Variants in BTRC observed in about 807,000 individuals in gnomAD.
BTRC encodes F-box/WD repeat-containing protein 1A.
Under a neutral mutation model 85.5 loss-of-function variants are expected in BTRC, and 42 were observed. The ratio of observed to expected loss-of-function variants is 0.49; its 90% CI spans 0.38 to 0.64. The LOEUF (loss-of-function observed/expected upper bound fraction) is 0.64. BTRC is among the 30% of genes least tolerant of loss of function. BTRC has a pLI of 0.00. For missense variants in BTRC, 594 were observed against 743.5 expected (o/e 0.80, Z 2.34); for synonymous variants, 255 against 263.3 (o/e 0.97, Z 0.30).
Position 101,456,168 on chromosome 10 carries a change from C to CA in BTRC, c.157-5800dup, listed in dbSNP as rs11321590. On this transcript the variant is annotated intron_variant, in intron 2 of 14. Coordinates refer to ENST00000370187, the MANE Select transcript of BTRC (RefSeq NM_033637.4). ...TGGGTGACAGAACGAGACTCTGTTT[C>CA]AAAAAAAAAAAAAGAATGATGATTG... 1.9e-3 allele frequency among the ~76,000 whole-genome samples: 260 copies of CA among 136,520 alleles called. 1 individual carries two copies. Among genetic ancestry groups the CA allele is most frequent in the Admixed American group, 2.2e-3 (30 of 13,868 alleles). The allele number at this position is 136,520 out of a possible 152,430, so 89.6% of individuals were successfully genotyped here. A position where few individuals can be genotyped will look rare whatever the true frequency, so the allele number is the denominator to read the frequency against.
intron 1 of BTRC, among the ~76,000 whole-genome samples, chr10:101,393,939 A>G (rs1191421528): frequency 6.6e-6 from 1 of 152,232 alleles, no homozygotes; most frequent in Middle Eastern, 3.2e-3. Context: ...TCAAACAAGC[A>G]TAGCCAGTGT....
intron 2 of BTRC, among the ~76,000 whole-genome samples, chr10:101,457,828 TTTTTA>T (rs1487857020): frequency 6.6e-6 from 1 of 152,200 alleles, no homozygotes; most frequent in Non-Finnish European, 1.5e-5. Context: ...ATTAATTAAT[TTTTTA>T]TTTTGACATA....
Position 101,556,183 on chromosome 10 carries a change from G to T in BTRC, c.*3060G>T, listed in dbSNP as rs568089072. 1.3e-5 allele frequency: 2 copies of T among 152,066 alleles called. No homozygotes were observed. Among genetic ancestry groups the T allele is most frequent in the Non-Finnish European group, 2.9e-5 (2 of 67,982 alleles). 9.4% of individuals were successfully genotyped at this position (152,066 alleles called of 1,614,324 possible). On this transcript the variant is annotated 3_prime_UTR_variant, in exon 15 of 15. Coordinates refer to ENST00000370187, the MANE Select transcript of BTRC (RefSeq NM_033637.4). ...TCTGTGAGACCCCTACATCATTCTG[G>T]TTTTTTTGCTTGAGTAAGAACAATC...
intron 1 of BTRC, among the ~76,000 whole-genome samples, chr10:101,372,991 CA>C (rs1214980008): frequency 1.3e-5 from 2 of 152,176 alleles, no homozygotes; most frequent in African/African-American, 4.8e-5. Context: ...TCATAGTCCA[CA>C]AAAATGATGT....
chr10:101,513,793 A>G (rs1340370683), intron 4 of BTRC, among the ~76,000 whole-genome samples: 4 of 152,240 alleles, frequency 2.6e-5, no homozygotes, highest in African/African-American at 7.2e-5. Flanking sequence ...GTAAGTACCT[A>G]AAGTGGAATT....
At chr10:101,518,783 C>G (rs1380090994) in intron 4 of BTRC, among the ~76,000 whole-genome samples, 1 of 152,212 alleles carries the variant, frequency 6.6e-6, no homozygotes, top group Non-Finnish European at 1.5e-5. Context: ...TCCTCGCTGT[C>G]TAGTCCTCAT....
Position 101,514,463 on chromosome 10 carries a change from ATT to A in BTRC, c.325-7163_325-7162del, listed in dbSNP as rs34631596. Among the ~76,000 whole-genome samples the A allele has an allele frequency of 4.7e-3, 685 of 147,112 alleles. 6 individuals are homozygous for A. The highest frequency in any genetic ancestry group is 0.015 in the African/African-American group (616 of 40,054). On this transcript the variant is annotated intron_variant, in intron 4 of 14. Transcript: ENST00000370187. ...TGAAAGACAATCCTTTCCCTATTTA[ATT>A]TTTTTTTTTTTTGAGAAAGCTCTGT...
At chr10:101,391,821 A>G (rs929427016) in intron 1 of BTRC, among the ~76,000 whole-genome samples, 10 of 152,214 alleles carry the variant, frequency 6.6e-5, no homozygotes, top group African/African-American at 2.4e-4. Flanking sequence ...ATAAGTAAAT[A>G]TATATGTGTA....
In BTRC at chr10:101,445,325, T is replaced by C. The variant is rs771911675; in HGVS notation, c.156+14873T>C. On this transcript the variant is annotated intron_variant, in intron 2 of 14. Transcript: ENST00000370187. ...GTCACATGCATACAGGTAAGAAGAT[T>C]AGAAAAAAAATTTTGTTTTCCCTAT... 3.9e-5 allele frequency among the ~76,000 whole-genome samples: 6 copies of C among 152,276 alleles called. No individual in the cohort carries two copies. The South Asian group carries it at 8.3e-4, about 21-fold the overall frequency.
intron 1 of BTRC, among the ~76,000 whole-genome samples, chr10:101,376,086 GAGGCTGAGGC>G (rs1452678395): frequency 6.6e-6 from 1 of 152,182 alleles, no homozygotes; most frequent in African/African-American, 2.4e-5. Flanking sequence ...AGCACTTCGG[GAGGCTGAGGC>G]AGGCGGATCA....
intron 1 of BTRC, among the ~76,000 whole-genome samples, chr10:101,424,322 G>A (rs887557855): frequency 2.0e-5 from 3 of 152,156 alleles, no homozygotes; most frequent in African/African-American, 7.2e-5. Context: ...CTGACAGGTG[G>A]GAGTTTTGTT....
At chr10:101,527,054 C>A (rs2062203082) in intron 6 of BTRC, among the ~76,000 whole-genome samples, 1 of 152,086 alleles carries the variant, frequency 6.6e-6, no homozygotes, top group Non-Finnish European at 1.5e-5. Context: ...TATAGGAAAG[C>A]TACGTAGTAA....
chr10:101,407,379 A>G (rs1004674341), intron 1 of BTRC, among the ~76,000 whole-genome samples: 1 of 152,166 alleles, frequency 6.6e-6, no homozygotes, highest in South Asian at 2.1e-4. Flanking sequence ...TGAAATTTTC[A>G]TAATGTATTT....
chr10:101,524,345 T>C (rs1413694517), intron 5 of BTRC, among the ~76,000 whole-genome samples: 1 of 152,168 alleles, frequency 6.6e-6, no homozygotes, highest in Non-Finnish European at 1.5e-5. Flanking sequence ...CATGTTACTA[T>C]CTCAAGCTTA....
At chr10:101,460,019 A>G (rs902373580) in intron 2 of BTRC, among the ~76,000 whole-genome samples, 1 of 152,214 alleles carries the variant, frequency 6.6e-6, no homozygotes, top group African/African-American at 2.4e-5. Context: ...TAACATTTCA[A>G]AAAACATAAT....
At chr10:101,394,687 G>A (rs986716995) in intron 1 of BTRC, among the ~76,000 whole-genome samples, 2 of 152,078 alleles carry the variant, frequency 1.3e-5, no homozygotes, top group African/African-American at 4.8e-5. Context: ...CTTAGCAGTC[G>A]GGGCAGGGTA....
chr10:101,429,625 G>A (rs1944349603), intron 1 of BTRC, among the ~76,000 whole-genome samples: 1 of 144,024 alleles, frequency 6.9e-6, no homozygotes, highest in Admixed American at 7.1e-5. Flanking sequence ...CTCTCTCTCT[G>A]TGTCCCTGTC....
At chr10:101,403,901 G>A (rs1006258157) in intron 1 of BTRC, among the ~76,000 whole-genome samples, 2 of 146,320 alleles carry the variant, frequency 1.4e-5, no homozygotes, top group Non-Finnish European at 3.0e-5. Context: ...GGCCCATTTA[G>A]TTCTTTATAT....
At chr10:101,530,496 G>GAA (rs78696755) in intron 6 of BTRC, among the ~76,000 whole-genome samples, 33 of 133,354 alleles carry the variant, frequency 2.5e-4, no homozygotes, top group Non-Finnish European at 4.7e-4. Flanking sequence ...CAGTAAAAGG[G>GAA]AAAAAAAAAA....
Sources: gnomAD v4.1 joint callset for allele counts (sites outside exome capture counted in the v4.1 genomes callset) on GRCh38, gnomAD v4.1.1 for gene constraint, MANE v1.5 for transcripts, NCBI Gene and HGNC (gene_info 2026-07-23, HGNC 2026-07-21) for gene names.